The following ADAMTSL1 variants were observed in gnomAD, a reference collection of about 807,000 sequenced individuals.
ADAMTSL1 encodes the protein ADAMTS like 1.
A neutral mutation model predicts 201.8 loss-of-function variants in ADAMTSL1; 126 were observed. That is an observed-to-expected ratio of 0.62 (90% CI 0.54 to 0.72). The LOEUF (loss-of-function observed/expected upper bound fraction) is 0.72. ADAMTSL1 is among the 30% of genes least tolerant of loss of function. The probability of loss-of-function intolerance (pLI) is 0.00; values close to 1 mark genes in which losing one functional copy is unlikely to be tolerated. For missense variants in ADAMTSL1, 2,679 were observed against 2,277.8 expected (o/e 1.18, Z -3.59); for synonymous variants, 1,121 against 903.4 (o/e 1.24, Z -4.32).
intron 1 of ADAMTSL1, among the ~76,000 whole-genome samples, chr9:17,972,616 A>G (rs898305030): frequency 5.3e-5 from 8 of 151,942 alleles, no homozygotes; most frequent in African/African-American, 9.7e-5. Context: ...TAGTGCCACT[A>G]TATACATACA....
chr9:18,305,835 G>A (rs1223234591), intron 2 of ADAMTSL1, among the ~76,000 whole-genome samples: 4 of 151,936 alleles, frequency 2.6e-5, no homozygotes, highest in Admixed American at 6.6e-5. Context: ...AGTGGATCAC[G>A]CAGCACAGCA....
intron 21 of ADAMTSL1, among the ~76,000 whole-genome samples, chr9:18,821,829 T>C (rs1824229318): frequency 6.6e-6 from 1 of 152,162 alleles, no homozygotes; most frequent in African/African-American, 2.4e-5. Flanking sequence ...CACACCGCCA[T>C]GGTGCAGGCA....
chr9:18,855,533 C>A (rs567459388), intron 23 of ADAMTSL1, among the ~76,000 whole-genome samples: 1 of 152,124 alleles, frequency 6.6e-6, no homozygotes, highest in Non-Finnish European at 1.5e-5. Context: ...TAATTGTATT[C>A]GTGTTCTAGA....
chr9:18,756,189 G>T (rs1328055969), intron 16 of ADAMTSL1, among the ~76,000 whole-genome samples: 2 of 131,978 alleles, frequency 1.5e-5, no homozygotes, highest in Non-Finnish European at 3.1e-5. Flanking sequence ...TGAAGCAGGA[G>T]AATCACTCAT....
intron 3 of ADAMTSL1, among the ~76,000 whole-genome samples, chr9:18,554,512 T>G (rs1177746523): frequency 6.6e-6 from 1 of 151,828 alleles, no homozygotes; most frequent in Non-Finnish European, 1.5e-5. Context: ...AAGACCACTT[T>G]ACATTCCCAA....
At chr9:18,709,480 G>C (rs927400932) in intron 14 of ADAMTSL1, among the ~76,000 whole-genome samples, 2 of 152,162 alleles carry the variant, frequency 1.3e-5, no homozygotes, top group Non-Finnish European at 1.5e-5. Flanking sequence ...GATGAAATTG[G>C]ATAGACAGAA....
chr9:18,572,937 G>A (rs935526275), intron 3 of ADAMTSL1, among the ~76,000 whole-genome samples: 2 of 152,136 alleles, frequency 1.3e-5, no homozygotes, highest in Admixed American at 6.5e-5. Context: ...TAATCTGAAG[G>A]CTTGTAGAAT....
chr9:18,768,784 G>A (rs1258473907), intron 16 of ADAMTSL1, among the ~76,000 whole-genome samples: 1 of 152,136 alleles, frequency 6.6e-6, no homozygotes, highest in Non-Finnish European at 1.5e-5. Flanking sequence ...GTTTGCTCCG[G>A]TGGGGTCCAA....
chr9:18,778,142 T>C (rs1821173123), intron 19 of ADAMTSL1, among the ~76,000 whole-genome samples: 1 of 152,228 alleles, frequency 6.6e-6, no homozygotes, highest in South Asian at 2.1e-4. Flanking sequence ...ATAGCAACAT[T>C]GCCTACCCAC....
chr9:18,770,104 A>G (rs2133712906), intron 16 of ADAMTSL1, among the ~76,000 whole-genome samples: 1 of 152,222 alleles, frequency 6.6e-6, no homozygotes. Context: ...CCTTAAGAAA[A>G]CCAGACCCTA....
intron 21 of ADAMTSL1, among the ~76,000 whole-genome samples, chr9:18,818,946 T>C (rs865806079): frequency 3.9e-5 from 6 of 152,208 alleles, no homozygotes; most frequent in Middle Eastern, 3.4e-3. Flanking sequence ...TACTCCTAGA[T>C]AGGGAGTAAG....
At position 18,661,954 on chromosome 9, in the gene ADAMTSL1, T is replaced by C; in HGVS notation, c.966T>C (p.Ala322=). The change falls in exon 9 of 29, where the codon GCT becomes GCC. Residue 322 remains alanine (A), a synonymous_variant. Coordinates refer to ENST00000380548, the MANE Select transcript of ADAMTSL1 (RefSeq NM_001040272.6). ...CTACAGGTTATCAGCTGACATCGGC[T>C]GAGTGCTACGATCTGAGGAGCAACC... The part of the protein sequence containing the change: ...TCGGGYQLTS[A]ECYDLRSNRV... 1 of 1,613,632 alleles carries C rather than the reference T, an allele frequency of 6.2e-7. No individual in the cohort carries two copies.
Position 18,053,087 on chromosome 9 carries a change from A to C in ADAMTSL1, c.88-110775A>C, listed in dbSNP as rs753185947. Among the ~76,000 whole-genome samples the C allele has an allele frequency of 2.4e-4, 37 of 152,340 alleles. 1 individual carries two copies. Among genetic ancestry groups the C allele is most frequent in the South Asian group, 1.2e-3 (6 of 4,824 alleles). ...AATCAAAATCCATAAAGCTAAAGGAACACACCAAGTGTGGAGTTCTGTTCT... is the reference window on the plus strand; with the variant it reads ...AATCAAAATCCATAAAGCTAAAGGACCACACCAAGTGTGGAGTTCTGTTCT... On this transcript the variant is annotated intron_variant, in intron 1 of 29. Coordinates refer to the ADAMTSL1 transcript ENST00000680146.
chr9:18,020,758 A>G (rs1820448700), intron 1 of ADAMTSL1, among the ~76,000 whole-genome samples: 1 of 152,100 alleles, frequency 6.6e-6, no homozygotes, highest in African/African-American at 2.4e-5. Context: ...ACATAGAGGG[A>G]GTCTCTTGAA....
At chr9:18,756,076 AATATATATATAT>A (rs55717414) in intron 16 of ADAMTSL1, among the ~76,000 whole-genome samples, 13,303 of 80,130 alleles carry the variant, frequency 0.17, 1,932 homozygotes, top group Admixed American at 0.26. Flanking sequence ...CTCTACTGAA[AATATATATATAT>A]ATATATATAT....
At chr9:17,920,589 C>T (rs1040977341) in intron 1 of ADAMTSL1, among the ~76,000 whole-genome samples, 2 of 152,142 alleles carry the variant, frequency 1.3e-5, no homozygotes, top group Non-Finnish European at 2.9e-5. Flanking sequence ...CTTTTGACAT[C>T]TCATGTTGCT....
chr9:18,690,388 C>G (rs1167744822), intron 13 of ADAMTSL1, among the ~76,000 whole-genome samples: 1 of 152,032 alleles, frequency 6.6e-6, no homozygotes, highest in African/African-American at 2.4e-5. Context: ...GTTTTTATAT[C>G]CCTCCTCAAA....
intron 9 of ADAMTSL1, among the ~76,000 whole-genome samples, chr9:18,664,252 G>A (rs1407093439): frequency 5.9e-5 from 9 of 151,962 alleles, no homozygotes; most frequent in Admixed American, 5.9e-4. Context: ...TTGCATACCT[G>A]GAATCAAAGC....
At chr9:18,173,055 A>G (rs1470364825) in intron 2 of ADAMTSL1, among the ~76,000 whole-genome samples, 2 of 152,062 alleles carry the variant, frequency 1.3e-5, no homozygotes, top group African/African-American at 4.8e-5. Flanking sequence ...TGTGTTACTG[A>G]TTTTTTAAAA....
Sources: gnomAD v4.1 joint callset for allele counts (sites outside exome capture counted in the v4.1 genomes callset) on GRCh38, gnomAD v4.1.1 for gene constraint, MANE v1.5 for transcripts, NCBI Gene and HGNC (gene_info 2026-07-23, HGNC 2026-07-21) for gene names.